The following ANKS1B variants were observed in gnomAD, a reference collection of about 807,000 sequenced individuals.
ANKS1B encodes the protein ankyrin repeat and sterile alpha motif domain containing 1B.
In ANKS1B, 36 loss-of-function variants were observed where a neutral mutation model predicts 148.3. The observed-to-expected ratio is 0.24, with a 90% CI of 0.19 to 0.32. ANKS1B has a LOEUF of 0.32. ANKS1B is among the 10% of genes least tolerant of loss of function. The probability of loss-of-function intolerance (pLI) is 1.00; values close to 1 mark genes in which losing one functional copy is unlikely to be tolerated. For synonymous variants in ANKS1B, 542 were observed against 560.8 expected (o/e 0.97, Z 0.47); for missense variants, 1,157 against 1,542.6 (o/e 0.75, Z 4.19).
At chr12:99,938,790 T>C (rs1603471708) in intron 1 of ANKS1B, among the ~76,000 whole-genome samples, 1 of 152,164 alleles carries the variant, frequency 6.6e-6, no homozygotes, top group South Asian at 2.1e-4. Flanking sequence ...TCCTGCCTTG[T>C]ACATTCTCAG....
At chr12:98,845,159 T>C (rs560321364) in intron 17 of ANKS1B, among the ~76,000 whole-genome samples, 3 of 152,296 alleles carry the variant, frequency 2.0e-5, no homozygotes, top group Admixed American at 2.0e-4. Flanking sequence ...ACCAAATAAA[T>C]AATCTCATTT....
At chr12:99,085,558 G>A (rs1231026475) in intron 15 of ANKS1B, among the ~76,000 whole-genome samples, 1 of 152,046 alleles carries the variant, frequency 6.6e-6, no homozygotes, top group Non-Finnish European at 1.5e-5. Flanking sequence ...AAAAGTGAGA[G>A]TTAATACTTA....
intron 1 of ANKS1B, among the ~76,000 whole-genome samples, chr12:99,883,612 G>GGT (rs1237646388): frequency 9.3e-5 from 12 of 128,662 alleles, no homozygotes; most frequent in African/African-American, 3.3e-4. Context: ...GCATAGACTT[G>GGT]GGGCAGGGGG....
intron 10 of ANKS1B, among the ~76,000 whole-genome samples, chr12:99,502,842 C>T (rs2096669075): frequency 6.6e-6 from 1 of 152,266 alleles, no homozygotes; most frequent in Non-Finnish European, 1.5e-5. Context: ...GTTTATGATT[C>T]ATTAACACCC....
exon 10 of ANKS1B, chr12:98,735,526 T>G (rs752314764): frequency 1.4e-6 from 1 of 724,232 alleles, no homozygotes; most frequent in Admixed American, 1.7e-5. Context: ...CCTTTCTATT[T>G]AGGCTTTATC....
At chr12:99,224,990 T>C (rs1601834217) in intron 14 of ANKS1B, among the ~76,000 whole-genome samples, 1 of 152,290 alleles carries the variant, frequency 6.6e-6, no homozygotes, top group Non-Finnish European at 1.5e-5. Context: ...ATAGAGAGCC[T>C]TTTCTGAAAG....
At chr12:99,185,903 C>A (rs574758781) in intron 14 of ANKS1B, among the ~76,000 whole-genome samples, 1 of 152,266 alleles carries the variant, frequency 6.6e-6, no homozygotes, top group East Asian at 1.9e-4. Flanking sequence ...CTGTTCACTC[C>A]CCTGGAAAGG....
chr12:99,202,491 C>T (rs1363534908), intron 14 of ANKS1B, among the ~76,000 whole-genome samples: 10 of 152,302 alleles, frequency 6.6e-5, no homozygotes, highest in Non-Finnish European at 1.5e-4. Context: ...GGACGTCAAG[C>T]AGTTAGTTTA....
chr12:99,130,803 C>T (rs1600657911), intron 15 of ANKS1B, among the ~76,000 whole-genome samples: 4 of 152,318 alleles, frequency 2.6e-5, no homozygotes, highest in Admixed American at 2.6e-4. Flanking sequence ...TCCAGTAACA[C>T]CACTTTGTCT....
chr12:99,984,372 CTGCAGCCCCAGGCAGGGAG>C lies in ANKS1B; in HGVS notation c.-154_-136del. 1.6e-6 allele frequency: 1 copy of C among 618,664 alleles called. No homozygotes were observed. Among genetic ancestry groups the C allele is most frequent in the East Asian group, 3.5e-5 (1 of 28,216 alleles). 38.3% of individuals were successfully genotyped at this position (618,664 alleles called of 1,614,324 possible). ...CAAGAGCTTCAGCACGGAGAGCTCC[CTGCAGCCCCAGGCAGGGAG>C]CACGACTCTCTCCTCCTCTTCGGGG... On this transcript the variant is annotated 5_prime_UTR_variant, in exon 1 of 27. Coordinates refer to ENST00000683438, the MANE Select transcript of ANKS1B (RefSeq NM_001352186.2).
chr12:98,842,266 C>T (rs1225351447), intron 17 of ANKS1B, among the ~76,000 whole-genome samples: 1 of 152,178 alleles, frequency 6.6e-6, no homozygotes, highest in African/African-American at 2.4e-5. Context: ...CTACATGATA[C>T]AGGCTATAGC....
chr12:99,259,095 G>A (rs2075635377), intron 12 of ANKS1B, among the ~76,000 whole-genome samples: 1 of 152,148 alleles, frequency 6.6e-6, no homozygotes, highest in African/African-American at 2.4e-5. Context: ...ATGCAAAGCC[G>A]GCTTTTTTCC....
chr12:98,914,501 C>G (rs1318132592), intron 17 of ANKS1B, among the ~76,000 whole-genome samples: 1 of 152,122 alleles, frequency 6.6e-6, no homozygotes, highest in Non-Finnish European at 1.5e-5. Context: ...AGAGTAAAAG[C>G]CAAAGAAAGT....
At chr12:99,323,834 T>C (rs546797830) in intron 12 of ANKS1B, among the ~76,000 whole-genome samples, 1 of 152,274 alleles carries the variant, frequency 6.6e-6, no homozygotes, top group Admixed American at 6.5e-5. Context: ...AAGAACAGAC[T>C]AGAAAGGCAG....
intron 12 of ANKS1B, among the ~76,000 whole-genome samples, chr12:99,316,812 T>G (rs1946142438): frequency 1.3e-5 from 2 of 152,228 alleles, no homozygotes; most frequent in African/African-American, 2.4e-5. Flanking sequence ...GGTCTAACAT[T>G]TAAGTCTTTA....
At position 98,944,302 on chromosome 12, in the gene ANKS1B, C is replaced by CAAAAAAAAAAA. The variant is rs11313441; in HGVS notation, c.2778+108844_2778+108854dup. 6.8e-5 allele frequency among the ~76,000 whole-genome samples: 6 copies of CAAAAAAAAAAA among 88,044 alleles called. No individual in the cohort carries two copies. The East Asian group carries it at 1.1e-3, about 16-fold the overall frequency. The allele number at this position is 88,044 out of a possible 152,430, so 57.8% of individuals were successfully genotyped here. ...GTGACAAGAGCGAAACTCCACCTCA[C>CAAAAAAAAAAA]AAAAAAAAAAAAAAAAAAAGCCTAG... On this transcript the variant is annotated intron_variant, in intron 17 of 26. Coordinates refer to ENST00000683438, the MANE Select transcript of ANKS1B (RefSeq NM_001352186.2).
intron 17 of ANKS1B, among the ~76,000 whole-genome samples, chr12:99,044,329 CA>C (rs2099960940): frequency 6.7e-6 from 1 of 148,662 alleles, no homozygotes; most frequent in Non-Finnish European, 1.5e-5. Flanking sequence ...GGGCAAAATA[CA>C]GGGAAAAAAA....
At chr12:99,947,883 G>A (rs1405677395) in intron 1 of ANKS1B, among the ~76,000 whole-genome samples, 2 of 152,134 alleles carry the variant, frequency 1.3e-5, no homozygotes, top group African/African-American at 4.8e-5. Flanking sequence ...GCTGTTCTCT[G>A]GCCCTGCATG....
chr12:98,975,648 GT>G (rs1221123784), intron 17 of ANKS1B, among the ~76,000 whole-genome samples: 6 of 151,424 alleles, frequency 4.0e-5, no homozygotes, highest in South Asian at 2.1e-4. Flanking sequence ...TTTTTGTTTG[GT>G]TTTTTTTTGT....
Sources: allele counts gnomAD v4.1 joint callset (sites outside exome capture counted in the v4.1 genomes callset), GRCh38; gene constraint gnomAD v4.1.1; transcripts MANE v1.5; gene names NCBI Gene and HGNC (gene_info 2026-07-23, HGNC 2026-07-21).